RBMS3: variants seen among roughly 807,000 people sequenced by gnomAD.
The protein encoded by RBMS3 is RNA binding motif single stranded interacting protein 3, also known as RNA-binding motif, single-stranded-interacting protein 3.
RBMS3 carries 27 observed loss-of-function variants against 66.8 expected under a neutral mutation model. The ratio of observed to expected loss-of-function variants is 0.40; its 90% CI spans 0.30 to 0.56. RBMS3 has a LOEUF of 0.56. Among genes scored for constraint, RBMS3 ranks in the 20% least tolerant of loss-of-function variants. RBMS3 has a pLI of 0.40. For missense variants in RBMS3, 513 were observed against 549.5 expected (o/e 0.93, Z 0.66); for synonymous variants, 188 against 183.0 (o/e 1.03, Z -0.22).
At chr3:29,551,197 A>G (rs934563794) in intron 3 of RBMS3, among the ~76,000 whole-genome samples, 4 of 152,180 alleles carry the variant, frequency 2.6e-5, no homozygotes, top group Admixed American at 2.6e-4. Context: ...AATGAAGTGA[A>G]CATTTTTCTG....
chr3:29,856,062 A>C (rs6771955), intron 6 of RBMS3, among the ~76,000 whole-genome samples: 60,185 of 152,024 alleles, frequency 0.4, 12,132 homozygotes, highest in South Asian at 0.47. Context: ...AAATTGATTT[A>C]TAATTTAAAA....
At chr3:29,340,945 CTT>C (rs1422168240) in intron 1 of RBMS3, among the ~76,000 whole-genome samples, 1 of 151,678 alleles carries the variant, frequency 6.6e-6, no homozygotes, top group Non-Finnish European at 1.5e-5. Flanking sequence ...TTAATTTAAA[CTT>C]AGTTTAATAA....
At chr3:29,730,934 A>G in intron 4 of RBMS3, 1 of 985,382 alleles carries the variant, frequency 1.0e-6, no homozygotes, top group African/African-American at 1.7e-5. Flanking sequence ...ACTGAGCTCA[A>G]GTTCATGAGG....
At chr3:29,984,462 G>T (rs1698225633) in intron 12 of RBMS3, among the ~76,000 whole-genome samples, 2 of 151,874 alleles carry the variant, frequency 1.3e-5, no homozygotes, top group South Asian at 4.2e-4. Flanking sequence ...TCACTGGCGA[G>T]AAGTTGTGAT....
intron 6 of RBMS3, among the ~76,000 whole-genome samples, chr3:29,786,359 T>A (rs1164234355): frequency 1.3e-5 from 2 of 152,032 alleles, no homozygotes; most frequent in Non-Finnish European, 1.5e-5. Flanking sequence ...AAAATTCATA[T>A]GGAACCAAAA....
At chr3:29,760,861 T>C (rs1364415705) in intron 5 of RBMS3, among the ~76,000 whole-genome samples, 1 of 152,120 alleles carries the variant, frequency 6.6e-6, no homozygotes, top group East Asian at 1.9e-4. Flanking sequence ...CTGTTTTTGT[T>C]TTTATTTTTA....
chr3:29,411,158 A>G (rs1224406423), intron 1 of RBMS3, among the ~76,000 whole-genome samples: 1 of 152,212 alleles, frequency 6.6e-6, no homozygotes, highest in African/African-American at 2.4e-5. Context: ...ATATCCATTC[A>G]TCATAAACAG....
intron 1 of RBMS3, among the ~76,000 whole-genome samples, chr3:29,339,167 A>G (rs1291693056): frequency 1.3e-5 from 2 of 152,204 alleles, no homozygotes; most frequent in Non-Finnish European, 2.9e-5. Flanking sequence ...CCATGCCGTA[A>G]TTCTTCTGGA....
At chr3:29,287,808 A>G (rs1483078163) in intron 1 of RBMS3, among the ~76,000 whole-genome samples, 1 of 152,078 alleles carries the variant, frequency 6.6e-6, no homozygotes. Context: ...GAGAAAGCTT[A>G]TAGAATTGGC....
At chr3:29,624,488 G>A (rs1359122633) in intron 4 of RBMS3, among the ~76,000 whole-genome samples, 2 of 152,036 alleles carry the variant, frequency 1.3e-5, no homozygotes, top group Non-Finnish European at 2.9e-5. Context: ...GAGTCCATAA[G>A]TATCTAGTAG....
intron 12 of RBMS3, among the ~76,000 whole-genome samples, chr3:29,983,420 G>A (rs906331101): frequency 2.0e-5 from 3 of 152,038 alleles, no homozygotes; most frequent in Admixed American, 1.3e-4. Flanking sequence ...TTACATTTAA[G>A]GTTAATATGG....
At chr3:29,293,850 C>G (rs1225329260) in intron 1 of RBMS3, among the ~76,000 whole-genome samples, 2 of 150,574 alleles carry the variant, frequency 1.3e-5, no homozygotes, top group African/African-American at 4.9e-5. Context: ...CTGCTTCCTT[C>G]TTTTTGTTCT....
chr3:29,454,868 A>T (rs2042128773), intron 2 of RBMS3, among the ~76,000 whole-genome samples: 1 of 152,202 alleles, frequency 6.6e-6, no homozygotes, highest in Non-Finnish European at 1.5e-5. Flanking sequence ...TTCAGGAAAA[A>T]TTCTATTAGT....
At chr3:29,431,493 A>G (rs1390852845) in intron 1 of RBMS3, among the ~76,000 whole-genome samples, 4 of 151,728 alleles carry the variant, frequency 2.6e-5, no homozygotes, top group African/African-American at 9.7e-5. Context: ...GGGTTTCACT[A>G]TGTTGGCCAG....
intron 13 of RBMS3, among the ~76,000 whole-genome samples, chr3:29,989,884 G>A (rs535571133): frequency 7.5e-4 from 114 of 152,210 alleles, no homozygotes; most frequent in Admixed American, 3.7e-3. Context: ...GTAAACTTCT[G>A]CCACATATTT....
Position 30,010,198 on chromosome 3 carries a change from C to T in RBMS3, c.*6336C>T, listed in dbSNP as rs957764744. On this transcript the variant is annotated 3_prime_UTR_variant, in exon 15 of 15. Coordinates refer to ENST00000383767, the MANE Select transcript of RBMS3 (RefSeq NM_001003793.3). ...TAAGAGCATTTTTGTACTGCTGTCT[C>T]TGACTGTCATGGAAAGTTCTGTAAT... 3.3e-5 allele frequency: 5 copies of T among 152,098 alleles called. No individual in the cohort carries two copies. The highest frequency in any genetic ancestry group is 5.9e-5 in the Non-Finnish European group (4 of 68,014). The allele number at this position is 152,098 out of a possible 1,614,324, so 9.4% of individuals were successfully genotyped here.
chr3:29,709,717 G>A (rs73829317), intron 4 of RBMS3, among the ~76,000 whole-genome samples: 14,010 of 152,084 alleles, frequency 0.092, 1,761 homozygotes, highest in African/African-American at 0.28. Flanking sequence ...CATTTTACTT[G>A]CATTTGAATG....
intron 4 of RBMS3, among the ~76,000 whole-genome samples, chr3:29,683,258 T>C (rs934945357): frequency 6.6e-6 from 1 of 152,190 alleles, no homozygotes; most frequent in Non-Finnish European, 1.5e-5. Flanking sequence ...ATGACTCAAT[T>C]TTCAAAGCAA....
At chr3:29,571,490 A>G (rs1367398442) in intron 3 of RBMS3, among the ~76,000 whole-genome samples, 4 of 152,132 alleles carry the variant, frequency 2.6e-5, no homozygotes, top group Admixed American at 1.3e-4. Flanking sequence ...TCTTCTGTAT[A>G]TGGATATCTA....
Sources: gnomAD v4.1 joint callset for allele counts (sites outside exome capture counted in the v4.1 genomes callset) on GRCh38, gnomAD v4.1.1 for gene constraint, MANE v1.5 for transcripts, NCBI Gene and HGNC (gene_info 2026-07-23, HGNC 2026-07-21) for gene names.